AVEN: variants seen among roughly 807,000 people sequenced by gnomAD.
The protein encoded by AVEN is apoptosis and caspase activation inhibitor.
AVEN carries 41 observed loss-of-function variants against 38.1 expected under a neutral mutation model. The ratio of observed to expected loss-of-function variants is 1.08; its 90% CI spans 0.84 to 1.40. The LOEUF (loss-of-function observed/expected upper bound fraction) is 1.40, where lower values mean the gene tolerates loss of function less well. Ranked by LOEUF, AVEN falls within the 40% of genes most tolerant of loss-of-function variation. The pLI is 0.00. For synonymous variants in AVEN, 206 were observed against 171.8 expected (o/e 1.20, Z -1.56); for missense variants, 605 against 438.8 (o/e 1.38, Z -3.38).
intron 2 of AVEN, among the ~76,000 whole-genome samples, chr15:33,902,364 G>T (rs1391754574): frequency 6.6e-6 from 1 of 152,102 alleles, no homozygotes; most frequent in African/African-American, 2.4e-5. Flanking sequence ...TGCAGACAAA[G>T]CCTTTGACAA....
intron 1 of AVEN, among the ~76,000 whole-genome samples, chr15:34,034,564 T>C (rs78660221): frequency 0.059 from 9,049 of 152,294 alleles, 564 homozygotes; most frequent in East Asian, 0.33. Context: ...GATCCATTGA[T>C]AAAAATGTTA....
intron 3 of AVEN, among the ~76,000 whole-genome samples, chr15:33,872,534 G>A (rs1264744887): frequency 1.3e-5 from 2 of 151,990 alleles, no homozygotes; most frequent in Non-Finnish European, 2.9e-5. Context: ...CCACAGAACT[G>A]AACTCTCTGG....
chr15:33,866,656 G>A lies in AVEN; in HGVS notation c.1046C>T (p.Thr349Ile). 6.2e-7 allele frequency: 1 copy of A among 1,613,920 alleles called. No homozygotes were observed. Among genetic ancestry groups the A allele is most frequent in the Non-Finnish European group, 8.5e-7 (1 of 1,179,924 alleles). Residue 349 changes from threonine (T) to isoleucine (I), a missense_variant, in exon 6 of 6, where the codon ACC becomes ATC. Transcript: ENST00000306730. Reference protein sequence around the residue: ...PEQPSTSKNVTEEELEDWLDS... With the variant: ...PEQPSTSKNVIEEELEDWLDS... ...CAACCAGTCTTCCAGCTCTTCCTCG[G>A]TAACATTTTTGGAGGTACTTGGTTG...
chr15:33,950,240 G>C (rs979188625), intron 2 of AVEN, among the ~76,000 whole-genome samples: 2 of 152,106 alleles, frequency 1.3e-5, no homozygotes, highest in Non-Finnish European at 2.9e-5. Flanking sequence ...TGGTCAAAGG[G>C]TACAAACTTT....
chr15:34,054,647 G>T (rs1008645224), intron 5 of AVEN, among the ~76,000 whole-genome samples: 1 of 152,078 alleles, frequency 6.6e-6, no homozygotes, highest in Non-Finnish European at 1.5e-5. Context: ...GAACACAAGG[G>T]CACATCCAGG....
chr15:33,988,398 T>C (rs1400518780), intron 2 of AVEN, among the ~76,000 whole-genome samples: 3 of 152,238 alleles, frequency 2.0e-5, no homozygotes, highest in Non-Finnish European at 4.4e-5. Flanking sequence ...TTGAACTTTA[T>C]TTCTAAGGCT....
At chr15:34,043,539 C>T (rs893241342), upstream of AVEN, among the ~76,000 whole-genome samples, 1 of 152,126 alleles carries the variant, frequency 6.6e-6, no homozygotes, top group Non-Finnish European at 1.5e-5. Flanking sequence ...AGGGTGCTCA[C>T]CAGCTACAGG....
Position 33,968,029 on chromosome 15 carries a change from T to C in AVEN, c.445+35003A>G, listed in dbSNP as rs1289416006. 2.0e-5 allele frequency among the ~76,000 whole-genome samples: 3 copies of C among 147,402 alleles called. No individual in the cohort carries two copies. In the East Asian group the frequency reaches 6.0e-4, roughly 29 times the overall value. ...TCTCAAAGACTTTTAAAAATTATTT[T>C]CCATCTTTAGGGAAAACCATATGAG... is the stretch of plus-strand genomic sequence containing the variant. On this transcript the variant is annotated intron_variant, in intron 2 of 5. Coordinates refer to ENST00000306730, the MANE Select transcript of AVEN (RefSeq NM_020371.3).
chr15:33,998,131 G>A (rs1311196868), intron 2 of AVEN, among the ~76,000 whole-genome samples: 1 of 151,826 alleles, frequency 6.6e-6, no homozygotes, highest in Non-Finnish European at 1.5e-5. Context: ...CATATATTCT[G>A]CCTTTCCTCC....
chr15:34,003,117 T>A lies in AVEN; in HGVS notation c.360A>T (p.Arg120=). 6.2e-7 allele frequency: 1 copy of A among 1,613,916 alleles called. No homozygotes were observed. The highest frequency in any genetic ancestry group is 2.2e-5 in the East Asian group (1 of 44,862). The change falls in exon 2 of 6, where the codon CGA becomes CGT. Residue 120 remains arginine (R), a synonymous_variant. Transcript: ENST00000306730. ...TGACCTCTTTTTCAATATCTTGATA[T>A]CGATCCCAGTTAGAGACAATCTTTC... ...SKRKIVSNWD[R]YQDIEKEVNN... is the part of the protein sequence containing the mutation.
Position 33,946,319 on chromosome 15 carries a change from A to G in AVEN, c.445+56713T>C, listed in dbSNP as rs139974201. ...AGGCTCAGGCAAAGGAGGCAGAGGT[A>G]GGGCTGAAAAATCTCAGAAAGAGCA... is the stretch of plus-strand genomic sequence containing the variant. On this transcript the variant is annotated intron_variant, in intron 2 of 5. Coordinates refer to ENST00000306730, the MANE Select transcript of AVEN (RefSeq NM_020371.3). Among the ~76,000 whole-genome samples, 555 of 152,312 alleles carry G rather than the reference A, an allele frequency of 3.6e-3. 2 individuals are homozygous for G. Among genetic ancestry groups the G allele is most frequent in the African/African-American group, 0.013 (538 of 41,558 alleles).
rs1280491817 is a variant in AVEN at position 33,932,830 on chromosome 15, T to TAAACAAAC, written c.446-56843_446-56836dup. 2.5e-3 allele frequency among the ~76,000 whole-genome samples: 350 copies of TAAACAAAC among 142,778 alleles called. 3 individuals carry two copies. Among genetic ancestry groups the TAAACAAAC allele is most frequent in the African/African-American group, 9.1e-3 (340 of 37,542 alleles). 93.7% of individuals were successfully genotyped at this position (142,778 alleles called of 152,430 possible). A position where few individuals can be genotyped will look rare whatever the true frequency, so the allele number is the denominator to read the frequency against. The stretch of plus-strand genomic sequence containing the variant: ...ACAAGAGCAAGACTCCATCACAAAA[T>TAAACAAAC]AAACAAACAAATAAATAAATAAATA... On this transcript the variant is annotated intron_variant, in intron 2 of 5. Coordinates refer to ENST00000306730, the MANE Select transcript of AVEN (RefSeq NM_020371.3).
intron 4 of AVEN, among the ~76,000 whole-genome samples, chr15:33,868,570 T>C (rs564287043): frequency 2.6e-4 from 33 of 126,696 alleles, no homozygotes; most frequent in Admixed American, 1.2e-3. Flanking sequence ...AAAAAAAAAG[T>C]CACCAGGAAG....
At chr15:33,994,522 T>C (rs1487763240) in intron 2 of AVEN, among the ~76,000 whole-genome samples, 3 of 152,174 alleles carry the variant, frequency 2.0e-5, no homozygotes, top group Non-Finnish European at 4.4e-5. Flanking sequence ...CCCTGGTCTG[T>C]GGAAAAATTG....
At chr15:33,874,943 G>T (rs1383217995) in intron 3 of AVEN, among the ~76,000 whole-genome samples, 1 of 152,182 alleles carries the variant, frequency 6.6e-6, no homozygotes, top group African/African-American at 2.4e-5. Context: ...TACCTCAGGC[G>T]TAGGCCCAGA....
chr15:33,872,382 C>T (rs144934379), intron 3 of AVEN, among the ~76,000 whole-genome samples: 3 of 152,238 alleles, frequency 2.0e-5, no homozygotes, highest in African/African-American at 7.2e-5. Flanking sequence ...AAAAACATAC[C>T]CTTCAATCAG....
At chr15:33,872,983 C>T (rs1025672087) in intron 3 of AVEN, among the ~76,000 whole-genome samples, 3 of 152,160 alleles carry the variant, frequency 2.0e-5, no homozygotes, top group South Asian at 2.1e-4. Context: ...CAAGCCGTGA[C>T]GCCCGGTCCC....
intron 2 of AVEN, among the ~76,000 whole-genome samples, chr15:33,933,634 AC>A (rs1051744268): frequency 6.6e-6 from 1 of 151,536 alleles, no homozygotes; most frequent in Non-Finnish European, 1.5e-5. Context: ...ATACCCACGC[AC>A]CATGCTAGGG....
chr15:33,895,370 G>A (rs1469672766), intron 2 of AVEN, among the ~76,000 whole-genome samples: 1 of 149,820 alleles, frequency 6.7e-6, no homozygotes, highest in Non-Finnish European at 1.5e-5. Flanking sequence ...CTATTACCCA[G>A]TATGGAGTGC....
Sources: gnomAD v4.1 joint callset for allele counts (sites outside exome capture counted in the v4.1 genomes callset) on GRCh38, gnomAD v4.1.1 for gene constraint, MANE v1.5 for transcripts, NCBI Gene and HGNC (gene_info 2026-07-23, HGNC 2026-07-21) for gene names.